Variants in LYAR observed in about 807,000 individuals in gnomAD.
The protein encoded by LYAR is cell growth-regulating nucleolar protein.
A neutral mutation model predicts 45.2 loss-of-function variants in LYAR; 37 were observed. The observed-to-expected ratio is 0.82, with a 90% confidence interval of 0.63 to 1.08. LYAR has a LOEUF of 1.08. Among genes scored for constraint, LYAR ranks in the 50% least tolerant of loss-of-function variants. The pLI is 0.00. For missense variants in LYAR, 493 were observed against 451.0 expected, an observed-to-expected ratio of 1.09 and a Z score of -0.84; for synonymous variants, 176 against 155.1, an observed-to-expected ratio of 1.14 and a Z score of -1.00.
rs781218982 is a variant in LYAR at position 4,279,531 on chromosome 4, C to A, written c.346-1G>T. On this transcript the variant is annotated splice_acceptor_variant, in intron 5 of 9. Coordinates refer to ENST00000343470, the MANE Select transcript of LYAR (RefSeq NM_017816.3). LOFTEE classifies it high-confidence loss of function. The stretch of plus-strand genomic sequence containing the variant: ...CTTTTAAACTGTTCTTCATCCAATT[C>A]TGTAAGAAAGAAAAAGAAAAAGAAC... 1.2e-6 allele frequency: 2 copies of A among 1,606,486 alleles called. No individual in the cohort carries two copies. Among genetic ancestry groups the A allele is most frequent in the Non-Finnish European group, 1.7e-6 (2 of 1,173,444 alleles).
intron 6 of LYAR, among the ~76,000 whole-genome samples, chr4:4,276,536 T>C (rs1366643945): frequency 8.4e-5 from 9 of 106,760 alleles, no homozygotes; most frequent in African/African-American, 3.8e-4. Flanking sequence ...AGAATGAAAC[T>C]CTGTCTCAAA....
At chr4:4,285,679 A>C (rs1227162653) in intron 2 of LYAR, among the ~76,000 whole-genome samples, 1 of 152,210 alleles carries the variant, frequency 6.6e-6, no homozygotes, top group African/African-American at 2.4e-5. Context: ...CAACAACAAA[A>C]AACAGTCTCT....
chr4:4,273,559 C>T (rs1719029433), intron 8 of LYAR, 24 bp downstream of exon 8: 4 of 1,579,290 alleles, frequency 2.5e-6, no homozygotes, highest in Non-Finnish European at 2.6e-6. Flanking sequence ...CAGCCGTGCT[C>T]CTCAAATGAC....
At chr4:4,268,865 T>A (rs564073943) in intron 8 of LYAR, 20 of 369,436 alleles carry the variant, frequency 5.4e-5, no homozygotes, top group Non-Finnish European at 9.2e-5. Flanking sequence ...TAGATAGAGT[T>A]GTATGTAATG....
chr4:4,281,119 G>A (rs1298370447), intron 4 of LYAR, among the ~76,000 whole-genome samples: 1 of 152,190 alleles, frequency 6.6e-6, no homozygotes, highest in Non-Finnish European at 1.5e-5. Flanking sequence ...ATGACTGGCA[G>A]ATGTGACAGA....
intron 8 of LYAR, chr4:4,268,964 C>T (rs1372030349): frequency 1.1e-5 from 2 of 175,118 alleles, no homozygotes; most frequent in South Asian, 1.8e-4. Flanking sequence ...AACAGCTTGA[C>T]CTGAAATGAG....
chr4:4,274,092 C>A (rs1719068979), intron 7 of LYAR, among the ~76,000 whole-genome samples: 1 of 152,152 alleles, frequency 6.6e-6, no homozygotes. Flanking sequence ...CAAAAATTAG[C>A]TGGGTCTGGT....
intron 8 of LYAR, 58 bp downstream of exon 8, chr4:4,273,521 TGGGA>T (rs1719026505): frequency 4.9e-6 from 6 of 1,230,690 alleles, no homozygotes; most frequent in Non-Finnish European, 7.1e-6. Flanking sequence ...CTGAAGTAGC[TGGGA>T]CTATCAGCGA....
chr4:4,279,068 T>C (rs1307902165), intron 6 of LYAR, among the ~76,000 whole-genome samples: 1 of 152,114 alleles, frequency 6.6e-6, no homozygotes, highest in Non-Finnish European at 1.5e-5. Context: ...CTCATGCCTG[T>C]AATTCCAGCA....
chr4:4,272,980 A>C (rs542960666), intron 8 of LYAR, among the ~76,000 whole-genome samples: 1 of 152,302 alleles, frequency 6.6e-6, no homozygotes, highest in African/African-American at 2.4e-5. Flanking sequence ...ACAGCATTTC[A>C]GAGGGCCCGT....
At position 4,273,576 on chromosome 4, in the gene LYAR, GAT is replaced by G; in HGVS notation, c.919+5_919+6del. 6.2e-7 allele frequency: 1 copy of G among 1,607,306 alleles called. No homozygotes were observed. Among genetic ancestry groups the G allele is most frequent in the African/African-American group, 1.3e-5 (1 of 74,858 alleles). On this transcript the variant is annotated splice_donor_5th_base_variant and intron_variant, in intron 8 of 9. Transcript: ENST00000343470. ...GCCGTGCTCCTCAAATGACAGCAGT[GAT>G]ATACCTTTTGCAGGAGCCTCATCGT...
chr4:4,275,803 C>G (rs1203928618), intron 6 of LYAR, among the ~76,000 whole-genome samples: 1 of 152,136 alleles, frequency 6.6e-6, no homozygotes, highest in Non-Finnish European at 1.5e-5. Flanking sequence ...TCAAGTGATT[C>G]TCCTGTCTCA....
At chr4:4,272,600 C>T (rs973423339) in intron 8 of LYAR, among the ~76,000 whole-genome samples, 1 of 152,122 alleles carries the variant, frequency 6.6e-6, no homozygotes, top group African/African-American at 2.4e-5. Flanking sequence ...TCTTATTGTC[C>T]TATCCTCACC....
intron 1 of LYAR, among the ~76,000 whole-genome samples, chr4:4,287,721 C>T (rs573715811): frequency 7.2e-5 from 11 of 152,318 alleles, no homozygotes; most frequent in African/African-American, 2.6e-4. Flanking sequence ...CTTGACCTGC[C>T]ATGTCCTAGC....
At chr4:4,273,501 G>A (rs1719025697) in intron 8 of LYAR, 82 bp downstream of exon 8, 3 of 967,116 alleles carry the variant, frequency 3.1e-6, no homozygotes, top group Non-Finnish European at 4.9e-6. Flanking sequence ...TGACCCTCCT[G>A]CCCCTGCCTC....
intron 2 of LYAR, 79 bp downstream of exon 2, chr4:4,286,440 C>T (rs1330488978): frequency 6.6e-6 from 1 of 152,110 alleles, no homozygotes; most frequent in African/African-American, 2.4e-5. Flanking sequence ...TACAAAAAGC[C>T]GTCAGGTGGA....
At chr4:4,279,413 C>T in intron 6 of LYAR, 34 bp downstream of exon 6, 5 of 1,360,956 alleles carry the variant, frequency 3.7e-6, no homozygotes, top group Admixed American at 2.0e-5. Flanking sequence ...ATTATTTTTG[C>T]CACAATGCAA....
In LYAR at chr4:4,279,478, A is replaced by G. The variant is rs768084683; in HGVS notation, c.398T>C (p.Val133Ala). 3.1e-6 allele frequency: 5 copies of G among 1,613,136 alleles called. No individual in the cohort carries two copies. Among genetic ancestry groups the G allele is most frequent in the Non-Finnish European group, 4.2e-6 (5 of 1,179,284 alleles). The change falls in exon 6 of 10, where the codon GTG becomes GCG. Residue 133 changes from valine to alanine, a missense_variant. Transcript: ENST00000343470. ...KVHNESILDQ[V>A]WNIFSEASNS... ...GGAAGCTTCAGAAAAGATATTCCAC[A>G]CCTGGTCCAGAATGGATTCATTATG...
At chr4:4,284,258 T>A (rs778171845) in intron 2 of LYAR, among the ~76,000 whole-genome samples, 2 of 152,208 alleles carry the variant, frequency 1.3e-5, no homozygotes, top group South Asian at 4.1e-4. Flanking sequence ...ATGAAACTTA[T>A]AGAAGGCATT....
Sources: allele counts gnomAD v4.1 joint callset (sites outside exome capture counted in the v4.1 genomes callset), GRCh38; gene constraint gnomAD v4.1.1; transcripts MANE v1.5; gene names NCBI Gene and HGNC (gene_info 2026-07-23, HGNC 2026-07-21).